EFCAB6: variants seen among roughly 807,000 people sequenced by gnomAD.
EFCAB6 encodes EF-hand calcium-binding domain-containing protein 6.
A neutral mutation model predicts 169.8 loss-of-function variants in EFCAB6; 156 were observed. The observed-to-expected ratio is 0.92, with a 90% CI of 0.81 to 1.05. The LOEUF (loss-of-function observed/expected upper bound fraction) is 1.05, where lower values mean the gene tolerates loss of function less well. EFCAB6 is among the 50% of genes least tolerant of loss of function. The pLI, the probability that EFCAB6 is intolerant of heterozygous loss-of-function variation, is 0.00. For missense variants in EFCAB6, 1,800 were observed against 1,829.1 expected, an observed-to-expected ratio of 0.98 and a Z score of 0.29; for synonymous variants, 698 against 676.4, an observed-to-expected ratio of 1.03 and a Z score of -0.50.
intron 20 of EFCAB6, 79 bp from the exon 21 acceptor site, chr22:43,616,001 C>T (rs1602628310): frequency 4.1e-6 from 5 of 1,217,528 alleles, no homozygotes; most frequent in Non-Finnish European, 5.7e-6. Flanking sequence ...TCCCTATCCC[C>T]CCTGTTTGTT....
chr22:43,682,524 C>T (rs1603197856), intron 12 of EFCAB6, among the ~76,000 whole-genome samples: 1 of 152,198 alleles, frequency 6.6e-6, no homozygotes, highest in Non-Finnish European at 1.5e-5. Flanking sequence ...GGGTAACACA[C>T]AAAGGCCTCG....
At position 43,687,551 on chromosome 22, in the gene EFCAB6, A is replaced by G; in HGVS notation, c.1062T>C (p.Asn354=). The G allele has an allele frequency of 2.5e-6, 4 of 1,605,656 alleles. No homozygotes were observed. The highest frequency in any genetic ancestry group is 3.4e-6 in the Non-Finnish European group (4 of 1,177,262). Residue 354 remains asparagine (N), a synonymous_variant, in exon 11 of 32, where the codon AAT becomes AAC. Transcript: ENST00000262726. ...GAAATGATGTTAGAAATTGCTTCCA[A>G]TTGATTTTAGTGGTGGCTTTAAGTC... is the stretch of plus-strand genomic sequence containing the variant. ...RFGLKATTKI[N]WKQFLTSFHE...
At chr22:43,626,106 T>C (rs908154987) in intron 20 of EFCAB6, among the ~76,000 whole-genome samples, 1 of 152,214 alleles carries the variant, frequency 6.6e-6, no homozygotes, top group Admixed American at 6.5e-5. Context: ...CATGAATATA[T>C]ATGTAAGTAT....
At chr22:43,693,034 G>A (rs902909988) in intron 10 of EFCAB6, among the ~76,000 whole-genome samples, 2 of 152,140 alleles carry the variant, frequency 1.3e-5, no homozygotes, top group African/African-American at 2.4e-5. Flanking sequence ...GCCAATTTAA[G>A]AGATGACATT....
chr22:43,732,835 C>G (rs1400918248), intron 7 of EFCAB6, among the ~76,000 whole-genome samples: 3 of 151,970 alleles, frequency 2.0e-5, no homozygotes, highest in African/African-American at 4.8e-5. Flanking sequence ...TTCTATTATT[C>G]AAGCCTTCCA....
intron 6 of EFCAB6, among the ~76,000 whole-genome samples, chr22:43,740,597 G>A (rs1460052071): frequency 6.6e-6 from 1 of 152,174 alleles, no homozygotes; most frequent in Non-Finnish European, 1.5e-5. Context: ...AGAGCCCCAT[G>A]CTTAACTCCA....
chr22:43,753,108 C>T (rs143275775), intron 6 of EFCAB6, among the ~76,000 whole-genome samples: 9 of 152,298 alleles, frequency 5.9e-5, no homozygotes, highest in Non-Finnish European at 1.3e-4. Flanking sequence ...AAACCATCCA[C>T]GGCACCCCAC....
intron 8 of EFCAB6, among the ~76,000 whole-genome samples, chr22:43,727,386 C>T (rs1344128226): frequency 1.3e-5 from 2 of 152,148 alleles, no homozygotes; most frequent in African/African-American, 4.8e-5. Flanking sequence ...TATGATTGCA[C>T]CACTGCATTC....
intron 22 of EFCAB6, 53 bp downstream of exon 22, chr22:43,608,429 A>T (rs2053069772): frequency 2.0e-6 from 3 of 1,526,506 alleles, no homozygotes; most frequent in Non-Finnish European, 2.7e-6. Flanking sequence ...TTGCCACAGC[A>T]AGCACCCCTA....
chr22:43,772,317 C>T (rs1569481341), intron 4 of EFCAB6, among the ~76,000 whole-genome samples: 1 of 152,102 alleles, frequency 6.6e-6, no homozygotes. Context: ...AGAAGTTGAC[C>T]CAAATACATT....
intron 2 of EFCAB6, among the ~76,000 whole-genome samples, chr22:43,800,985 G>A (rs2148178307): frequency 6.6e-6 from 1 of 152,066 alleles, no homozygotes; most frequent in Admixed American, 6.5e-5. Context: ...GTACACAAAG[G>A]TCAGAGAACA....
chr22:43,530,405 G>A (rs962166700), intron 31 of EFCAB6, among the ~76,000 whole-genome samples: 2 of 152,214 alleles, frequency 1.3e-5, no homozygotes, highest in Non-Finnish European at 2.9e-5. Flanking sequence ...GTACTGCAGG[G>A]GCAGGGCTCA....
At chr22:43,698,378 GCTTC>G (rs971659495) in intron 10 of EFCAB6, among the ~76,000 whole-genome samples, 1 of 152,170 alleles carries the variant, frequency 6.6e-6, no homozygotes, top group Non-Finnish European at 1.5e-5. Flanking sequence ...TTCAAATCGG[GCTTC>G]CTTGTCTGAA....
chr22:43,785,183 T>C (rs922324429), intron 2 of EFCAB6, among the ~76,000 whole-genome samples: 2 of 152,106 alleles, frequency 1.3e-5, no homozygotes, highest in African/African-American at 4.8e-5. Context: ...CAACTAGACC[T>C]CACAGACAAC....
chr22:43,608,475 C>T lies in EFCAB6; in HGVS notation c.2681+7G>A. The T allele has an allele frequency of 6.2e-7, 1 of 1,613,674 alleles. No homozygotes were observed. The highest frequency in any genetic ancestry group is 1.1e-5 in the South Asian group (1 of 91,038). On this transcript the variant is annotated splice_region_variant and intron_variant, in intron 22 of 31. Transcript: ENST00000262726. ...ATGGAAACCAACCAGTCTCACGTGC[C>T]ACTTACCTTGCCCAAAGCTTTTCAA... is the stretch of plus-strand genomic sequence containing the variant.
chr22:43,634,959 T>G, intron 18 of EFCAB6, 143 bp downstream of exon 18: 2 of 638,538 alleles, frequency 3.1e-6, no homozygotes. Flanking sequence ...ATAAAAATGG[T>G]TGTTTGCAGC....
At chr22:43,574,752 A>G (rs2098480509) in intron 26 of EFCAB6, among the ~76,000 whole-genome samples, 1 of 152,228 alleles carries the variant, frequency 6.6e-6, no homozygotes, top group Non-Finnish European at 1.5e-5. Flanking sequence ...ATGACAACCA[A>G]GGGCTTAAAG....
intron 9 of EFCAB6, among the ~76,000 whole-genome samples, chr22:43,714,532 G>GAA (rs11412286): frequency 3.4e-4 from 50 of 146,406 alleles, no homozygotes; most frequent in Middle Eastern, 3.5e-3. Context: ...CAAGGATCAA[G>GAA]AAAAAAAAAA....
At chr22:43,558,666 G>C (rs1033382534) in intron 26 of EFCAB6, among the ~76,000 whole-genome samples, 5 of 152,150 alleles carry the variant, frequency 3.3e-5, no homozygotes, top group Non-Finnish European at 5.9e-5. Flanking sequence ...ATTGAGGTGG[G>C]ACCCTCTACT....
Sources: gnomAD v4.1 joint callset for allele counts (sites outside exome capture counted in the v4.1 genomes callset) on GRCh38, gnomAD v4.1.1 for gene constraint, MANE v1.5 for transcripts, NCBI Gene and HGNC (gene_info 2026-07-23, HGNC 2026-07-21) for gene names.